GRAMD2B: variants seen among roughly 807,000 people sequenced by gnomAD.
GRAMD2B encodes GRAM domain containing 2B.
GRAMD2B carries 41 observed loss-of-function variants against 59.2 expected under a neutral mutation model. The observed-to-expected ratio is 0.69, with a 90% CI of 0.54 to 0.90. GRAMD2B has a LOEUF of 0.90. Ranked by LOEUF, GRAMD2B falls within the 40% of genes least tolerant of loss-of-function variation. GRAMD2B has a pLI of 0.00. For missense variants in GRAMD2B, 424 were observed against 500.5 expected, an observed-to-expected ratio of 0.85 and a Z score of 1.46; for synonymous variants, 161 against 182.7, an observed-to-expected ratio of 0.88 and a Z score of 0.96.
rs1760006956 is a variant in GRAMD2B, at chr5:126,423,545, G to A, written c.-62G>A. ...CCTGCGCACCCGGACCTAGAAGCCGGGACGAGCCGGGGCAGAGCCAGGCGC... is the reference window on the plus strand; with the variant it reads ...CCTGCGCACCCGGACCTAGAAGCCGAGACGAGCCGGGGCAGAGCCAGGCGC... On this transcript the variant is annotated 5_prime_UTR_variant, in exon 1 of 14. Transcript: ENST00000285689. 2 of 1,575,336 alleles carry A rather than the reference G, an allele frequency of 1.3e-6. No homozygotes were observed. The highest frequency in any genetic ancestry group is 1.2e-5 in the South Asian group (1 of 86,010).
intron 2 of GRAMD2B, chr5:126,467,398 G>C (rs1438211341): frequency 6.6e-6 from 1 of 151,988 alleles, no homozygotes; most frequent in Non-Finnish European, 1.5e-5. Context: ...AGAATAACAG[G>C]GTTGAAAAGA....
chr5:126,475,754 C>T (rs138143783), intron 5 of GRAMD2B, among the ~76,000 whole-genome samples: 3,593 of 152,256 alleles, frequency 0.024, 55 homozygotes, highest in Middle Eastern at 0.068. Context: ...CACCTGAGGT[C>T]GGGCGTTCAA....
intron 1 of GRAMD2B, among the ~76,000 whole-genome samples, chr5:126,412,235 G>C (rs1758872472): frequency 6.6e-6 from 1 of 152,036 alleles, no homozygotes; most frequent in Non-Finnish European, 1.5e-5. Context: ...ATCTGATGTT[G>C]GCTGTGGCTT....
At chr5:126,461,115 T>G (rs1423518188) in intron 1 of GRAMD2B, among the ~76,000 whole-genome samples, 1 of 152,172 alleles carries the variant, frequency 6.6e-6, no homozygotes, top group Non-Finnish European at 1.5e-5. Context: ...GTGAAACACT[T>G]GTTTTCCTTC....
intron 6 of GRAMD2B, 79 bp from the exon 7 acceptor site, chr5:126,480,377 A>G: frequency 1.0e-6 from 1 of 983,176 alleles, no homozygotes; most frequent in Admixed American, 1.8e-5. Context: ...AAAGCTGTAT[A>G]CAGATACTTT....
chr5:126,471,790 C>A (rs1769635581), intron 3 of GRAMD2B, among the ~76,000 whole-genome samples: 2 of 152,296 alleles, frequency 1.3e-5, no homozygotes, highest in East Asian at 1.9e-4. Context: ...AAGCCATGGT[C>A]ACACAACAAG....
chr5:126,463,279 T>C (rs1767693974), intron 1 of GRAMD2B, among the ~76,000 whole-genome samples: 1 of 152,170 alleles, frequency 6.6e-6, no homozygotes, highest in African/African-American at 2.4e-5. Context: ...CCAGTAAATA[T>C]CTGAATAAAT....
chr5:126,392,783 C>T (rs1232092014), intron 1 of GRAMD2B, among the ~76,000 whole-genome samples: 2 of 152,078 alleles, frequency 1.3e-5, no homozygotes, highest in East Asian at 3.9e-4. Flanking sequence ...GATCATCAGG[C>T]ATTAGTTAGA....
At chr5:126,398,416 A>G (rs1364865783) in intron 1 of GRAMD2B, among the ~76,000 whole-genome samples, 1 of 152,094 alleles carries the variant, frequency 6.6e-6, no homozygotes, top group Non-Finnish European at 1.5e-5. Flanking sequence ...GCATATGATC[A>G]TTCATAATAA....
At chr5:126,483,614 C>A in intron 9 of GRAMD2B, 40 bp downstream of exon 9, 1 of 1,131,064 alleles carries the variant, frequency 8.8e-7, no homozygotes, top group South Asian at 1.3e-5. Context: ...ATTTAATTCC[C>A]CTCAAAACAT....
intron 1 of GRAMD2B, among the ~76,000 whole-genome samples, chr5:126,388,007 C>A (rs887556455): frequency 2.0e-5 from 3 of 152,022 alleles, no homozygotes; most frequent in Admixed American, 2.0e-4. Flanking sequence ...ATTAAAGAAA[C>A]CCCCTATACT....
chr5:126,360,842 T>C (rs1195613655), intron 1 of GRAMD2B, among the ~76,000 whole-genome samples: 1 of 152,176 alleles, frequency 6.6e-6, no homozygotes, highest in African/African-American at 2.4e-5. Context: ...GAGAACTCAG[T>C]ATTTGCCATT....
At chr5:126,427,457 A>G (rs969605203) in intron 1 of GRAMD2B, among the ~76,000 whole-genome samples, 1 of 152,248 alleles carries the variant, frequency 6.6e-6, no homozygotes, top group Admixed American at 6.5e-5. Context: ...TACATGTAAT[A>G]TCATTCAAAT....
chr5:126,481,223 GAAAGAAAGAAAGAA>G (rs752423657), intron 8 of GRAMD2B, among the ~76,000 whole-genome samples: 34,855 of 88,958 alleles, frequency 0.39, 4,906 homozygotes, highest in African/African-American at 0.45. Context: ...AAGAAAGAAA[GAAAGAAAGAAAGAA>G]AGAAAGAAAG....
In GRAMD2B at chr5:126,493,886, A is replaced by G. The variant is rs1354803886; in HGVS notation, c.*930A>G. ...ATGTTTTTATCCTTTGCTGACTAAAATAAAATAACTGGTGGTTTGCTAACT... is the reference window on the plus strand; with the variant it reads ...ATGTTTTTATCCTTTGCTGACTAAAGTAAAATAACTGGTGGTTTGCTAACT... On this transcript the variant is annotated 3_prime_UTR_variant, in exon 14 of 14. Coordinates refer to ENST00000285689, the MANE Select transcript of GRAMD2B (RefSeq NM_023927.4). The G allele has an allele frequency of 2.6e-5, 4 of 152,640 alleles. No individual in the cohort carries two copies. Among genetic ancestry groups the G allele is most frequent in the African/African-American group, 9.7e-5 (4 of 41,432 alleles). 9.5% of individuals were successfully genotyped at this position (152,640 alleles called of 1,614,324 possible). A position where few individuals can be genotyped will look rare whatever the true frequency, so the allele number is the denominator to read the frequency against.
chr5:126,370,437 G>C (rs950575379), upstream of GRAMD2B, among the ~76,000 whole-genome samples: 16 of 152,154 alleles, frequency 1.1e-4, no homozygotes, highest in African/African-American at 3.9e-4. Context: ...CTAATCACAA[G>C]GGGAACAAGG....
chr5:126,371,336 A>AT, exon 1 of GRAMD2B: 5 of 1,151,460 alleles, frequency 4.3e-6, no homozygotes, highest in Non-Finnish European at 5.4e-6. Flanking sequence ...GCTTCCTGCA[A>AT]TTCAAGGACT....
intron 11 of GRAMD2B, 74 bp downstream of exon 11, chr5:126,485,847 C>T: frequency 1.2e-6 from 1 of 835,968 alleles, no homozygotes; most frequent in Admixed American, 2.3e-5. Context: ...CTTCACACTG[C>T]CAAGACCTAC....
intron 1 of GRAMD2B, among the ~76,000 whole-genome samples, chr5:126,411,862 T>TGTGTGTGTGTGTGTGTG (rs1580844089): frequency 2.8e-4 from 9 of 32,258 alleles, no homozygotes; most frequent in African/African-American, 9.6e-4. Context: ...GTGTGTGTGT[T>TGTGTGTGTGTGTGTGTG]TGTGTGTCTA....
Sources: gnomAD v4.1 joint callset for allele counts (sites outside exome capture counted in the v4.1 genomes callset) on GRCh38, gnomAD v4.1.1 for gene constraint, MANE v1.5 for transcripts, NCBI Gene and HGNC (gene_info 2026-07-23, HGNC 2026-07-21) for gene names.